LTBP1: variants seen among roughly 807,000 people sequenced by gnomAD.
The protein encoded by LTBP1 is latent-transforming growth factor beta-binding protein 1.
LTBP1 carries 129 observed loss-of-function variants against 207.6 expected under a neutral mutation model. The observed-to-expected ratio is 0.62, with a 90% CI of 0.54 to 0.72. The LOEUF is 0.72. Among genes scored for constraint, LTBP1 ranks in the 30% least tolerant of loss-of-function variants. The pLI is 0.00. For synonymous variants in LTBP1, 963 were observed against 833.7 expected (o/e 1.16, Z -2.67); for missense variants, 2,281 against 2,217.2 (o/e 1.03, Z -0.58).
At chr2:33,254,697 T>C in intron 11 of LTBP1, among the ~76,000 whole-genome samples, 1 of 142,110 alleles carries the variant, frequency 7.0e-6, no homozygotes, top group African/African-American at 2.7e-5. Context: ...GCTGCACCCA[T>C]TAACTCGTCA....
intron 22 of LTBP1, among the ~76,000 whole-genome samples, chr2:33,309,173 C>G (rs1264685628): frequency 6.6e-6 from 1 of 151,496 alleles, no homozygotes; most frequent in East Asian, 1.9e-4. Flanking sequence ...ATCCCAACTA[C>G]TCGGGAGGCT....
intron 5 of LTBP1, among the ~76,000 whole-genome samples, chr2:33,162,312 TCTTC>T (rs1165201724): frequency 6.6e-6 from 1 of 152,250 alleles, no homozygotes; most frequent in African/African-American, 2.4e-5. Flanking sequence ...AAAAATTAGT[TCTTC>T]CTTAATCATT....
chr2:33,139,345 A>G (rs1389605057), intron 5 of LTBP1, among the ~76,000 whole-genome samples: 3 of 152,308 alleles, frequency 2.0e-5, no homozygotes, highest in East Asian at 3.9e-4. Context: ...ATGACCATAT[A>G]TTAAGTGACT....
chr2:33,105,444 T>A (rs2080009260), intron 3 of LTBP1, among the ~76,000 whole-genome samples: 1 of 151,666 alleles, frequency 6.6e-6, no homozygotes, highest in South Asian at 2.1e-4. Context: ...TCTTCTGCTT[T>A]TTTTTTTTTT....
At chr2:33,354,603 A>G (rs992417633) in intron 26 of LTBP1, among the ~76,000 whole-genome samples, 1 of 151,872 alleles carries the variant, frequency 6.6e-6, no homozygotes, top group Non-Finnish European at 1.5e-5. Context: ...ATAGTACCTA[A>G]AGTCATATCT....
chr2:33,163,638 C>T (rs945578171), intron 5 of LTBP1, among the ~76,000 whole-genome samples: 24 of 152,062 alleles, frequency 1.6e-4, no homozygotes, highest in African/African-American at 5.3e-4. Context: ...CTAAATACCC[C>T]GACTTGATCA....
At chr2:33,086,646 C>T (rs865780599) in intron 3 of LTBP1, among the ~76,000 whole-genome samples, 8 of 152,280 alleles carry the variant, frequency 5.3e-5, no homozygotes, top group Middle Eastern at 3.4e-3. Context: ...TGGGCAGCAC[C>T]GCACGGTAGG....
chr2:33,118,840 C>T (rs2080936114), intron 4 of LTBP1, among the ~76,000 whole-genome samples: 2 of 152,058 alleles, frequency 1.3e-5, no homozygotes, highest in South Asian at 2.1e-4. Context: ...TCAGGGAAGC[C>T]GTACGAACAT....
At chr2:33,344,664 TTA>T (rs2094677587) in intron 25 of LTBP1, among the ~76,000 whole-genome samples, 1 of 152,170 alleles carries the variant, frequency 6.6e-6, no homozygotes, top group African/African-American at 2.4e-5. Context: ...GCAAATTCTA[TTA>T]TAGCACTTAC....
chr2:33,095,953 A>C (rs1029371909), intron 3 of LTBP1, among the ~76,000 whole-genome samples: 5 of 152,128 alleles, frequency 3.3e-5, no homozygotes, highest in Admixed American at 6.5e-5. Flanking sequence ...AAATGTAACA[A>C]GAAAAATGTT....
intron 2 of LTBP1, among the ~76,000 whole-genome samples, chr2:32,991,661 C>T (rs755882788): frequency 2.6e-5 from 4 of 152,142 alleles, no homozygotes; most frequent in Non-Finnish European, 5.9e-5. Flanking sequence ...AACATGCTAG[C>T]CATCTTCAGT....
At chr2:33,035,920 G>A (rs113059675) in intron 3 of LTBP1, among the ~76,000 whole-genome samples, 13 of 152,290 alleles carry the variant, frequency 8.5e-5, no homozygotes, top group Admixed American at 3.9e-4. Context: ...AGGCTCTTAC[G>A]TGGTCCTTGT....
At chr2:33,365,562 C>T (rs2094975253) in intron 31 of LTBP1, 59 bp downstream of exon 31, 9 of 1,513,862 alleles carry the variant, frequency 5.9e-6, no homozygotes, top group Non-Finnish European at 5.4e-6. Flanking sequence ...CATCTCACCT[C>T]CTTTGTAGCC....
At chr2:33,125,365 G>T (rs2081366152) in intron 4 of LTBP1, among the ~76,000 whole-genome samples, 1 of 152,098 alleles carries the variant, frequency 6.6e-6, no homozygotes, top group South Asian at 2.1e-4. Flanking sequence ...AGCCTAGTAG[G>T]CACTCAGTCC....
At chr2:33,349,788 T>A (rs1288429523) in intron 26 of LTBP1, among the ~76,000 whole-genome samples, 3 of 152,212 alleles carry the variant, frequency 2.0e-5, no homozygotes, top group African/African-American at 7.2e-5. Context: ...ATTGTACTGG[T>A]TGATGTAATA....
intron 5 of LTBP1, among the ~76,000 whole-genome samples, chr2:33,138,932 C>T (rs2150701657): frequency 7.4e-6 from 1 of 134,640 alleles, no homozygotes; most frequent in East Asian, 2.2e-4. Flanking sequence ...GATCTCGGCT[C>T]ACTGCAAGCT....
chr2:33,373,058 A>G (rs2095089416), intron 31 of LTBP1, among the ~76,000 whole-genome samples: 1 of 152,200 alleles, frequency 6.6e-6, no homozygotes, highest in African/African-American at 2.4e-5. Context: ...TAGATTTCTG[A>G]TAAGTAAATT....
intron 2 of LTBP1, among the ~76,000 whole-genome samples, chr2:32,949,147 A>G (rs1230943611): frequency 6.6e-6 from 1 of 152,232 alleles, no homozygotes; most frequent in African/African-American, 2.4e-5. Context: ...TACATTGTAC[A>G]GAACCGTGCT....
chr2:33,085,130 C>T (rs930219897), intron 3 of LTBP1, among the ~76,000 whole-genome samples: 2 of 151,944 alleles, frequency 1.3e-5, no homozygotes, highest in African/African-American at 2.4e-5. Flanking sequence ...AGCCACAAGC[C>T]GAGAAATGGC....
Sources: allele counts gnomAD v4.1 joint callset (sites outside exome capture counted in the v4.1 genomes callset), GRCh38; gene constraint gnomAD v4.1.1; transcripts MANE v1.5; gene names NCBI Gene and HGNC (gene_info 2026-07-23, HGNC 2026-07-21).